EXOC4: variants seen among roughly 807,000 people sequenced by gnomAD.
The protein encoded by EXOC4 is exocyst complex component 4, also known as SEC8-like 1.
A neutral mutation model predicts 107.2 loss-of-function variants in EXOC4; 71 were observed. The observed-to-expected ratio is 0.66, with a 90% CI of 0.55 to 0.81. The LOEUF is 0.81. Among genes scored for constraint, EXOC4 ranks in the 30% least tolerant of loss-of-function variants. The pLI is 0.00. For synonymous variants in EXOC4, 456 were observed against 441.2 expected (o/e 1.03, Z -0.42); for missense variants, 1,108 against 1,189.6 (o/e 0.93, Z 1.01).
chr7:133,354,194 A>C (rs1449081681), intron 5 of EXOC4, among the ~76,000 whole-genome samples: 1 of 150,998 alleles, frequency 6.6e-6, no homozygotes, highest in South Asian at 2.1e-4. Context: ...TTGCCTCTCT[A>C]TTTCTATGCT....
intron 11 of EXOC4, among the ~76,000 whole-genome samples, chr7:133,873,001 T>C (rs2116403782): frequency 6.6e-6 from 1 of 152,360 alleles, no homozygotes; most frequent in East Asian, 1.9e-4. Flanking sequence ...TTTGGTAGAA[T>C]GACTTTTCAG....
At chr7:133,689,926 G>A (rs1281595542) in intron 10 of EXOC4, among the ~76,000 whole-genome samples, 4 of 152,196 alleles carry the variant, frequency 2.6e-5, no homozygotes, top group Non-Finnish European at 5.9e-5. Context: ...GATGAGCTGA[G>A]CAGATGAGGT....
intron 10 of EXOC4, among the ~76,000 whole-genome samples, chr7:133,660,106 C>T (rs2151045054): frequency 6.6e-6 from 1 of 152,208 alleles, no homozygotes; most frequent in East Asian, 1.9e-4. Context: ...TGGAGCAGTA[C>T]ATTTAGAATT....
At chr7:133,370,762 G>A (rs1178890698) in intron 6 of EXOC4, among the ~76,000 whole-genome samples, 1 of 152,144 alleles carries the variant, frequency 6.6e-6, no homozygotes, top group African/African-American at 2.4e-5. Flanking sequence ...CCTCAGTGTT[G>A]CTCAAGCCAG....
At chr7:133,626,204 C>G (rs1274590124) in intron 9 of EXOC4, among the ~76,000 whole-genome samples, 12 of 147,410 alleles carry the variant, frequency 8.1e-5, no homozygotes, top group Non-Finnish European at 1.8e-4. Flanking sequence ...AAGACTCCAT[C>G]TCCAAAAAAA....
At chr7:133,885,020 A>G (rs760287441) in intron 11 of EXOC4, among the ~76,000 whole-genome samples, 30 of 152,296 alleles carry the variant, frequency 2.0e-4, no homozygotes, top group Admixed American at 6.5e-4. Flanking sequence ...ATGGGAATTA[A>G]GATACAGCAT....
At chr7:133,464,642 C>T (rs954051269) in intron 7 of EXOC4, among the ~76,000 whole-genome samples, 3 of 151,754 alleles carry the variant, frequency 2.0e-5, no homozygotes, top group East Asian at 1.9e-4. Flanking sequence ...TGGAGGTTAT[C>T]GGAATCAAGG....
Position 134,046,199 on chromosome 7 carries a change from G to A in EXOC4, c.2688-18092G>A, listed in dbSNP as rs539287382. Among the ~76,000 whole-genome samples the A allele has an allele frequency of 2.8e-4, 42 of 152,252 alleles. No individual in the cohort carries two copies. In the South Asian group the frequency reaches 8.1e-3, roughly 29 times the overall value. Reference sequence around the variant, plus strand: ...AATACAGAATGTTAAAACCACCTCAGGGCCGGGCACAATGGCTCATGCCTA... The same window carrying A: ...AATACAGAATGTTAAAACCACCTCAAGGCCGGGCACAATGGCTCATGCCTA... On this transcript the variant is annotated intron_variant, in intron 17 of 17. Transcript: ENST00000253861.
intron 10 of EXOC4, among the ~76,000 whole-genome samples, chr7:133,760,901 G>C (rs1796019439): frequency 6.6e-6 from 1 of 151,986 alleles, no homozygotes; most frequent in Admixed American, 6.6e-5. Context: ...AACATTCTAA[G>C]CAAATAAACA....
intron 9 of EXOC4, among the ~76,000 whole-genome samples, chr7:133,518,253 T>C (rs1314637601): frequency 6.6e-6 from 1 of 151,856 alleles, no homozygotes; most frequent in Non-Finnish European, 1.5e-5. Flanking sequence ...CCAAAAGCGG[T>C]GTGCACGCAG....
chr7:133,931,573 TAAACTA>T (rs1800176377), intron 13 of EXOC4, among the ~76,000 whole-genome samples: 4 of 152,178 alleles, frequency 2.6e-5, no homozygotes, highest in Admixed American at 2.0e-4. Context: ...AACTGTAACT[TAAACTA>T]AAAGTATAAT....
At chr7:133,714,301 G>T (rs554430268) in intron 10 of EXOC4, among the ~76,000 whole-genome samples, 5 of 152,272 alleles carry the variant, frequency 3.3e-5, no homozygotes, top group Non-Finnish European at 7.4e-5. Flanking sequence ...GCTGCTGAAA[G>T]CCTACTGACG....
chr7:133,259,458 CT>C (rs1795093305), intron 1 of EXOC4, among the ~76,000 whole-genome samples: 2 of 151,946 alleles, frequency 1.3e-5, no homozygotes, highest in South Asian at 4.1e-4. Flanking sequence ...AACTCCTGAC[CT>C]TAGGTGATTG....
chr7:133,818,179 T>C (rs922403373), intron 11 of EXOC4, among the ~76,000 whole-genome samples: 2 of 152,208 alleles, frequency 1.3e-5, no homozygotes, highest in African/African-American at 4.8e-5. Flanking sequence ...AGCTGGTGAC[T>C]TGGAGGTATA....
intron 11 of EXOC4, among the ~76,000 whole-genome samples, chr7:133,856,580 G>A (rs919977028): frequency 9.9e-5 from 15 of 152,150 alleles, no homozygotes; most frequent in Middle Eastern, 3.2e-3. Flanking sequence ...ATGAATAAAT[G>A]TGTGATTTTT....
chr7:133,396,067 C>T (rs1233520767), intron 7 of EXOC4: 3 of 152,060 alleles, frequency 2.0e-5, no homozygotes, highest in African/African-American at 2.4e-5. Context: ...GTTCCCAGAC[C>T]AGCAGCATCA....
chr7:133,399,284 TTTC>T (rs1277268912), intron 7 of EXOC4, among the ~76,000 whole-genome samples: 4 of 152,216 alleles, frequency 2.6e-5, no homozygotes, highest in African/African-American at 9.7e-5. Flanking sequence ...TATCTTTGAT[TTTC>T]TTCTTCTCCT....
intron 11 of EXOC4, among the ~76,000 whole-genome samples, chr7:133,874,502 C>T (rs1317284289): frequency 6.6e-6 from 1 of 152,144 alleles, no homozygotes; most frequent in African/African-American, 2.4e-5. Flanking sequence ...GGCACACTTG[C>T]TTGCACACTC....
At chr7:133,968,344 A>G (rs961711819) in intron 14 of EXOC4, among the ~76,000 whole-genome samples, 2 of 152,162 alleles carry the variant, frequency 1.3e-5, no homozygotes, top group African/African-American at 4.8e-5. Context: ...GTTACATTTA[A>G]AGTTAACATT....
Sources: allele counts gnomAD v4.1 joint callset (sites outside exome capture counted in the v4.1 genomes callset), GRCh38; gene constraint gnomAD v4.1.1; transcripts MANE v1.5; gene names NCBI Gene and HGNC (gene_info 2026-07-23, HGNC 2026-07-21).